BIRC2: variants seen among roughly 807,000 people sequenced by gnomAD.
BIRC2 encodes the protein baculoviral IAP repeat-containing protein 2.
A neutral mutation model predicts 60.9 loss-of-function variants in BIRC2; 18 were observed. That is an observed-to-expected ratio of 0.30 (90% CI 0.20 to 0.44). The LOEUF (loss-of-function observed/expected upper bound fraction) is 0.44, where lower values mean the gene tolerates loss of function less well. Among genes scored for constraint, BIRC2 ranks in the 20% least tolerant of loss-of-function variants. The pLI is 1.00. For synonymous variants in BIRC2, 282 were observed against 247.7 expected (o/e 1.14, Z -1.30); for missense variants, 701 against 728.5 (o/e 0.96, Z 0.43).
intron 3 of BIRC2, among the ~76,000 whole-genome samples, chr11:102,362,216 C>A (rs1951492089): frequency 6.6e-6 from 1 of 151,946 alleles, no homozygotes; most frequent in African/African-American, 2.4e-5. Flanking sequence ...TCCATTTTTA[C>A]TATTTTTGCA....
chr11:102,372,459 G>T (rs1179858863), intron 6 of BIRC2, among the ~76,000 whole-genome samples: 3 of 152,152 alleles, frequency 2.0e-5, no homozygotes, highest in Non-Finnish European at 4.4e-5. Flanking sequence ...GTTGTTCAGT[G>T]TCCATGTAGT....
At position 102,377,513 on chromosome 11, in the gene BIRC2, C is replaced by T. The variant is rs779124253; in HGVS notation, c.1384C>T (p.Arg462Trp). 21 of 1,586,922 alleles carry T rather than the reference C, an allele frequency of 1.3e-5. No individual in the cohort carries two copies. In the Middle Eastern group the frequency reaches 5.0e-4, roughly 38 times the overall value. The change falls in exon 7 of 9, where the codon CGG (arginine) becomes TGG (tryptophan). Residue 462 changes from arginine to tryptophan, a missense_variant. By Grantham distance (101) the Arg-to-Trp change is moderately radical. Transcript: ENST00000227758. ...TAATGAAGATGATTTGTCATTAATT[C>T]GGAAGAACAGAATGGCTCTCTTTCA... is the stretch of plus-strand genomic sequence containing the variant. ...EMASDDLSLIRKNRMALFQQL... is the reference protein window; with the variant it reads ...EMASDDLSLIWKNRMALFQQL...
chr11:102,377,066 G>C (rs991710151), intron 6 of BIRC2, among the ~76,000 whole-genome samples: 2 of 152,202 alleles, frequency 1.3e-5, no homozygotes, highest in Non-Finnish European at 1.5e-5. Flanking sequence ...ATTCTTTTCT[G>C]AGTCTTTTTT....
intron 3 of BIRC2, among the ~76,000 whole-genome samples, chr11:102,360,556 G>T (rs993442316): frequency 6.6e-6 from 1 of 151,182 alleles, no homozygotes; most frequent in African/African-American, 2.4e-5. Context: ...CATTATCTGT[G>T]TTCTTTTGTA....
chr11:102,366,974 G>T (rs1951559857), intron 5 of BIRC2, among the ~76,000 whole-genome samples: 1 of 151,980 alleles, frequency 6.6e-6, no homozygotes, highest in Non-Finnish European at 1.5e-5. Context: ...TCAATTTAAG[G>T]TTTTTACACT....
chr11:102,355,949 T>G (rs189522138), intron 3 of BIRC2, among the ~76,000 whole-genome samples: 2 of 152,322 alleles, frequency 1.3e-5, no homozygotes, highest in African/African-American at 4.8e-5. Context: ...AAGTTGGTTT[T>G]GTATCCTACA....
chr11:102,350,461 G>C lies in BIRC2; in HGVS notation c.607G>C (p.Glu203Gln). Residue 203 changes from glutamate to glutamine, a missense_variant, in exon 2 of 9, where the codon GAA becomes CAA. Physicochemically the swap from Glu to Gln is conservative, Grantham distance 29. Coordinates refer to ENST00000227758, the MANE Select transcript of BIRC2 (RefSeq NM_001166.5). ...MWPLTFLSPS[E>Q]LARAGFYYIG... ...GCCATTAACTTTTTTGTCACCATCA[G>C]AATTGGCAAGAGCTGGTTTTTATTA... is the stretch of plus-strand genomic sequence containing the variant. 1 of 1,614,202 alleles carries C rather than the reference G, an allele frequency of 6.2e-7. No homozygotes were observed. The highest frequency in any genetic ancestry group is 8.5e-7 in the Non-Finnish European group (1 of 1,180,042).
At chr11:102,372,377 C>T (rs2135822107) in intron 6 of BIRC2, among the ~76,000 whole-genome samples, 1 of 152,184 alleles carries the variant, frequency 6.6e-6, no homozygotes, top group Admixed American at 6.5e-5. Context: ...TGTGTTTGTT[C>T]TCATTGGTTT....
intron 1 of BIRC2, chr11:102,347,995 A>G (rs967579388): frequency 6.6e-6 from 1 of 152,234 alleles, no homozygotes; most frequent in African/African-American, 2.4e-5. Flanking sequence ...TAAAGCAATC[A>G]TGCCAGTGGT....
chr11:102,351,061 A>G (rs1048511826), intron 3 of BIRC2, 118 bp downstream of exon 3: 1 of 882,594 alleles, frequency 1.1e-6, no homozygotes, highest in Non-Finnish European at 1.8e-6. Flanking sequence ...GCCATTGGGG[A>G]ATTATCCTTC....
chr11:102,367,679 C>A (rs925843746), intron 5 of BIRC2, among the ~76,000 whole-genome samples: 1 of 152,158 alleles, frequency 6.6e-6, no homozygotes, highest in Non-Finnish European at 1.5e-5. Flanking sequence ...TTTTAATGAC[C>A]TTACACTACT....
In BIRC2 at chr11:102,378,076, A is replaced by G. The variant is rs778569149; in HGVS notation, c.1750A>G (p.Ile584Val). The G allele has an allele frequency of 6.2e-7, 1 of 1,613,822 alleles. No individual in the cohort carries two copies. The highest frequency in any genetic ancestry group is 8.5e-7 in the Non-Finnish European group (1 of 1,179,826). Residue 584 changes from isoleucine (I) to valine (V), a missense_variant, in exon 9 of 9, where the codon ATT becomes GTT. Physicochemically the swap from Ile to Val is conservative, Grantham distance 29 (BLOSUM62 3). This residue lies in a region of BIRC2 where 52 missense variants were observed against 83.9 expected (regional missense o/e 0.62). Coordinates refer to ENST00000227758, the MANE Select transcript of BIRC2 (RefSeq NM_001166.5). ...CMDKEVSVVFIPCGHLVVCQE... is the reference protein window; with the variant it reads ...CMDKEVSVVFVPCGHLVVCQE... ...GGACAAAGAAGTTTCTGTTGTATTTATTCCTTGTGGTCATCTGGTAGTATG... is the reference window on the plus strand; with the variant it reads ...GGACAAAGAAGTTTCTGTTGTATTTGTTCCTTGTGGTCATCTGGTAGTATG...
chr11:102,351,614 CAA>C (rs768269523), intron 3 of BIRC2, among the ~76,000 whole-genome samples: 2 of 68,608 alleles, frequency 2.9e-5, no homozygotes, highest in African/African-American at 6.1e-5. Flanking sequence ...GACTCTGTCT[CAA>C]AAAAAAAAAA....
At position 102,350,188 on chromosome 11, in the gene BIRC2, T is replaced by G. The variant is rs1184620623; in HGVS notation, c.334T>G (p.Phe112Val). 1 of 1,614,228 alleles carries G rather than the reference T, an allele frequency of 6.2e-7. No individual in the cohort carries two copies. The highest frequency in any genetic ancestry group is 8.5e-7 in the Non-Finnish European group (1 of 1,180,040). The change falls in exon 2 of 9, where the codon TTT becomes GTT. Residue 112 changes from phenylalanine (F) to valine (V), a missense_variant. Phe to Val is a conservative substitution (Grantham distance 50). Coordinates refer to ENST00000227758, the MANE Select transcript of BIRC2 (RefSeq NM_001166.5). The part of the protein sequence containing the change: ...KHKQLYPSCS[F>V]IQNLVSASLG... ...TAAACAGCTATATCCTAGCTGTAGC[T>G]TTATTCAGAATCTGGTTTCAGCTAG...
chr11:102,362,090 G>A (rs571286536), intron 3 of BIRC2, among the ~76,000 whole-genome samples: 208 of 152,132 alleles, frequency 1.4e-3, no homozygotes, highest in African/African-American at 4.7e-3. Flanking sequence ...TTTATCTTTT[G>A]TGGAATATGT....
chr11:102,378,287 G>A lies in BIRC2; in HGVS notation c.*104G>A. On this transcript the variant is annotated 3_prime_UTR_variant, in exon 9 of 9. Transcript: ENST00000227758. The stretch of plus-strand genomic sequence containing the variant: ...AAGGGAATTATGAGTTTTTCAATTA[G>A]TAACATTCATGTTCTAGTCTGCTTT... The A allele has an allele frequency of 3.3e-6, 3 of 896,100 alleles. No individual in the cohort carries two copies. The highest frequency in any genetic ancestry group is 4.8e-6 in the Non-Finnish European group (3 of 620,956). The allele number at this position is 896,100 out of a possible 1,614,324, so 55.5% of individuals were successfully genotyped here.
At chr11:102,366,253 G>A (rs1951551673) in intron 5 of BIRC2, among the ~76,000 whole-genome samples, 1 of 152,068 alleles carries the variant, frequency 6.6e-6, no homozygotes, top group Non-Finnish European at 1.5e-5. Context: ...GCTCAAGTTA[G>A]GCATCATCTC....
At chr11:102,354,452 A>G (rs538736170) in intron 3 of BIRC2, among the ~76,000 whole-genome samples, 1 of 152,224 alleles carries the variant, frequency 6.6e-6, no homozygotes, top group South Asian at 2.1e-4. Context: ...CAAGTGATCC[A>G]CCCGGAGTGG....
intron 5 of BIRC2, among the ~76,000 whole-genome samples, chr11:102,367,908 T>G (rs1286868677): frequency 6.6e-6 from 1 of 152,232 alleles, no homozygotes; most frequent in Non-Finnish European, 1.5e-5. Context: ...ATGAAGTCTT[T>G]GTGATTTCCC....
Sources: allele counts gnomAD v4.1 joint callset (sites outside exome capture counted in the v4.1 genomes callset), GRCh38; gene constraint gnomAD v4.1.1; regional missense constraint gnomAD v4.1.1; transcripts MANE v1.5; gene names NCBI Gene and HGNC (gene_info 2026-07-23, HGNC 2026-07-21).